Variants in SHANK1 observed in about 807,000 individuals in gnomAD.
SHANK1 encodes SH3 and multiple ankyrin repeat domains protein 1.
Under a neutral mutation model 165.6 loss-of-function variants are expected in SHANK1, and 35 were observed. The observed-to-expected ratio is 0.21, with a 90% CI of 0.16 to 0.28. The LOEUF is 0.28. Among genes scored for constraint, SHANK1 ranks in the 10% least tolerant of loss-of-function variants. SHANK1 has a pLI of 1.00. For missense variants in SHANK1, 2,681 were observed against 3,036.4 expected, an observed-to-expected ratio of 0.88 and a Z score of 2.75; for synonymous variants, 1,428 against 1,384.8, an observed-to-expected ratio of 1.03 and a Z score of -0.69.
Position 50,686,196 on chromosome 19 carries a change from G to A in SHANK1, c.2577+41C>T, listed in dbSNP as rs756788273. ...AAGGCTCCAGGTTGGTGTGTGAACCGCCTCCCCCCTGGCAGTTCCTCCCCA... is the reference window on the plus strand; with the variant it reads ...AAGGCTCCAGGTTGGTGTGTGAACCACCTCCCCCCTGGCAGTTCCTCCCCA... On this transcript the variant is annotated intron_variant, in intron 21 of 23. Coordinates refer to ENST00000293441, the MANE Select transcript of SHANK1 (RefSeq NM_016148.5). This position sits in a 1 kb window ranked among gnomAD's most constrained non-coding sequence, Gnocchi z 5.7. 2.4e-6 allele frequency: 3 copies of A among 1,229,288 alleles called. No individual in the cohort carries two copies. Among genetic ancestry groups the A allele is most frequent in the Non-Finnish European group, 3.5e-6 (3 of 863,202 alleles). 76.1% of individuals were successfully genotyped at this position (1,229,288 alleles called of 1,614,324 possible). A position where few individuals can be genotyped will look rare whatever the true frequency, so the allele number is the denominator to read the frequency against.
At chr19:50,714,636 C>T (rs979302238) in intron 4 of SHANK1, among the ~76,000 whole-genome samples, 4 of 141,490 alleles carry the variant, frequency 2.8e-5, no homozygotes, top group Admixed American at 1.5e-4. Context: ...GTTGAGGCTG[C>T]AGTGAGCCAT....
In SHANK1 at chr19:50,686,192, A is replaced by G. The variant is rs755895019; in HGVS notation, c.2577+45T>C. 10 of 1,194,084 alleles carry G rather than the reference A, an allele frequency of 8.4e-6. No individual in the cohort carries two copies. Among genetic ancestry groups the G allele is most frequent in the Non-Finnish European group, 9.6e-6 (8 of 832,226 alleles). The allele number at this position is 1,194,084 out of a possible 1,614,324, so 74.0% of individuals were successfully genotyped here. A position where few individuals can be genotyped will look rare whatever the true frequency, so the allele number is the denominator to read the frequency against. On this transcript the variant is annotated intron_variant, in intron 21 of 23. Coordinates refer to ENST00000293441, the MANE Select transcript of SHANK1 (RefSeq NM_016148.5). The surrounding 1 kb of genome is among the most constrained non-coding windows in gnomAD (Gnocchi z 5.7). ...GAGAAAGGCTCCAGGTTGGTGTGTG[A>G]ACCGCCTCCCCCCTGGCAGTTCCTC...
chr19:50,710,372 T>G (rs965845468), intron 8 of SHANK1, among the ~76,000 whole-genome samples: 2 of 152,160 alleles, frequency 1.3e-5, no homozygotes, highest in Non-Finnish European at 2.9e-5. Flanking sequence ...GAAGACTTCC[T>G]GGAGGAAGGG....
Position 50,686,483 on chromosome 19 carries a change from C to T in SHANK1, c.2459-128G>A. 1.3e-6 allele frequency: 1 copy of T among 778,520 alleles called. No individual in the cohort carries two copies. 48.2% of individuals were successfully genotyped at this position (778,520 alleles called of 1,614,324 possible). A position where few individuals can be genotyped will look rare whatever the true frequency, so the allele number is the denominator to read the frequency against. On this transcript the variant is annotated intron_variant, in intron 20 of 23. Transcript: ENST00000293441. This position sits in a 1 kb window ranked among gnomAD's most constrained non-coding sequence, Gnocchi z 5.7. ...CTGGATCAACCAGGAAAGGGCAGCC[C>T]TGCCTGGGTCCGGGTGGACGGGCAG...
rs189915551 is a variant in SHANK1 at position 50,672,622 on chromosome 19, C to T, written c.2578-508G>A. Among the ~76,000 whole-genome samples, 20 of 147,680 alleles carry T rather than the reference C, an allele frequency of 1.4e-4. No homozygotes were observed. The South Asian group carries it at 2.2e-3, about 16-fold the overall frequency. ...GGAATTCTGCGGGAATGAAAAGCCT[C>T]AAGTCTGGGCAGGAAGGAGAAAGAA... On this transcript the variant is annotated intron_variant, in intron 21 of 23. Coordinates refer to ENST00000293441, the MANE Select transcript of SHANK1 (RefSeq NM_016148.5).
chr19:50,711,523 C>T, intron 7 of SHANK1, 36 bp from the exon 8 acceptor site: 1 of 1,471,674 alleles, frequency 6.8e-7, no homozygotes, highest in Non-Finnish European at 9.3e-7. Flanking sequence ...ATGGATCAGA[C>T]CCAGGCTGTT....
intron 21 of SHANK1, 77 bp from the exon 22 acceptor site, chr19:50,672,191 C>T: frequency 8.7e-7 from 1 of 1,148,914 alleles, no homozygotes; most frequent in Non-Finnish European, 1.3e-6. Flanking sequence ...CTTGTGGCTT[C>T]ACTATACGGC....
At position 50,669,254 on chromosome 19, in the gene SHANK1, T is replaced by C; in HGVS notation, c.2706A>G (p.Ala902=). 6.2e-7 allele frequency: 1 copy of C among 1,600,994 alleles called. No individual in the cohort carries two copies. The highest frequency in any genetic ancestry group is 1.7e-5 in the Admixed American group (1 of 58,352). Residue 902 remains alanine, a synonymous_variant, in exon 23 of 24, where the codon GCA becomes GCG. Transcript: ENST00000293441. ...GAAEDDRPYL[A]PPAMKFSRSL... ...TGCGGCTGAATTTCATGGCTGGGGG[T>C]GCTAGGTAAGGTCTGTCATCTTCTG... is the stretch of plus-strand genomic sequence containing the variant.
intron 23 of SHANK1, among the ~76,000 whole-genome samples, chr19:50,664,818 A>G (rs925505971): frequency 6.6e-6 from 1 of 152,034 alleles, no homozygotes; most frequent in African/African-American, 2.4e-5. Context: ...ACAGTGGTGC[A>G]ATCTTGGCTC....
intron 8 of SHANK1, among the ~76,000 whole-genome samples, chr19:50,709,814 G>A (rs146175522): frequency 0.013 from 2,039 of 152,262 alleles, 44 homozygotes; most frequent in African/African-American, 0.045. Context: ...GCCTCCCAAA[G>A]TGTTGGGATT....
intron 19 of SHANK1, 33 bp downstream of exon 19, chr19:50,687,549 G>A (rs1426673505): frequency 2.0e-6 from 3 of 1,519,854 alleles, no homozygotes; most frequent in South Asian, 1.2e-5. Context: ...CTCTCCCCCC[G>A]GCCCCCTGGC....
At chr19:50,684,387 G>A (rs1048509180) in intron 21 of SHANK1, among the ~76,000 whole-genome samples, 6 of 152,164 alleles carry the variant, frequency 3.9e-5, no homozygotes, top group Middle Eastern at 3.4e-3. Context: ...CACCACATCC[G>A]GCCAATTTTT....
At position 50,697,084 on chromosome 19, in the gene SHANK1, C is replaced by T. The variant is rs1986765456; in HGVS notation, c.1964+12G>A. On this transcript the variant is annotated intron_variant, in intron 15 of 23. Coordinates refer to ENST00000293441, the MANE Select transcript of SHANK1 (RefSeq NM_016148.5). This position sits in a 1 kb window ranked among gnomAD's most constrained non-coding sequence, Gnocchi z 4.7. ...TCCTGACCCCATCCCCTCCCTGCCC[C>T]TCGCCTCTCACCTCCCTGGGCCAAT... 6.2e-7 allele frequency: 1 copy of T among 1,612,666 alleles called. No individual in the cohort carries two copies. Among genetic ancestry groups the T allele is most frequent in the African/African-American group, 1.3e-5 (1 of 74,826 alleles).
rs575591982 is a variant in SHANK1 at position 50,687,658 on chromosome 19, G to C, written c.2313C>G (p.Pro771=). The C allele has an allele frequency of 6.7e-7, 1 of 1,493,674 alleles. No homozygotes were observed. The highest frequency in any genetic ancestry group is 8.9e-7 in the Non-Finnish European group (1 of 1,122,244). The allele number at this position is 1,493,674 out of a possible 1,614,324, so 92.5% of individuals were successfully genotyped here. A position where few individuals can be genotyped will look rare whatever the true frequency, so the allele number is the denominator to read the frequency against. The change falls in exon 19 of 24, where the codon CCC becomes CCG. Residue 771 remains proline, a synonymous_variant. Transcript: ENST00000293441. ...GGGGCGGCAGCCGCTTGGCCTGCTG[G>C]GGTGCTGAAAAGGTGATGAGGGGAG... is the stretch of plus-strand genomic sequence containing the variant. The part of the protein sequence containing the change: ...DMDEAVHKKA[P]QQAKRLPPPT...
At position 50,660,939 on chromosome 19, in the gene SHANK1, CG is replaced by C. The variant is rs1434175917; in HGVS notation, c.*1025del. On this transcript the variant is annotated 3_prime_UTR_variant, in exon 24 of 24. Coordinates refer to ENST00000293441, the MANE Select transcript of SHANK1 (RefSeq NM_016148.5). ...GGTGCAAAAGGGGCAAGAGGGAAGG[CG>C]GGGGGTGGGGGGCTAGGAGTGTCAT... Among the ~76,000 whole-genome samples the C allele has an allele frequency of 7.0e-5, 1 of 14,298 alleles. No homozygotes were observed. Among genetic ancestry groups the C allele is most frequent in the African/African-American group, 3.6e-4 (1 of 2,786 alleles). 9.4% of individuals were successfully genotyped at this position (14,298 alleles called of 152,430 possible). A position where few individuals can be genotyped will look rare whatever the true frequency, so the allele number is the denominator to read the frequency against.
At chr19:50,663,725 T>C (rs1157557996) in intron 23 of SHANK1, among the ~76,000 whole-genome samples, 3 of 149,898 alleles carry the variant, frequency 2.0e-5, no homozygotes, top group African/African-American at 7.4e-5. Flanking sequence ...ATCCTTCCTG[T>C]TGCTGCTACA....
At chr19:50,674,713 G>C (rs1161552370) in intron 21 of SHANK1, among the ~76,000 whole-genome samples, 1 of 152,002 alleles carries the variant, frequency 6.6e-6, no homozygotes. Flanking sequence ...CTTGACCCCA[G>C]GAATTTGAGA....
rs1235121266 is a variant in SHANK1 at position 50,716,575 on chromosome 19, T to C, written c.255+90A>G. On this transcript the variant is annotated intron_variant, in intron 2 of 23. Transcript: ENST00000293441. This position sits in a 1 kb window ranked among gnomAD's most constrained non-coding sequence, Gnocchi z 8.4. Reference sequence around the variant, plus strand: ...AGCCAGGAGCTGAGTGTGGGGGTGATTCCTGGGAGGATACCCAGCACCAGT... The same window carrying C: ...AGCCAGGAGCTGAGTGTGGGGGTGACTCCTGGGAGGATACCCAGCACCAGT... 3.4e-5 allele frequency: 53 copies of C among 1,561,126 alleles called. No homozygotes were observed. The highest frequency in any genetic ancestry group is 3.8e-5 in the Non-Finnish European group (44 of 1,148,014).
intron 8 of SHANK1, among the ~76,000 whole-genome samples, chr19:50,707,539 T>G (rs1168326537): frequency 1.4e-5 from 2 of 146,086 alleles, no homozygotes; most frequent in African/African-American, 2.5e-5. Flanking sequence ...GCAGTTAGGA[T>G]TCCAACAACC....
Sources: allele counts gnomAD v4.1 joint callset (sites outside exome capture counted in the v4.1 genomes callset), GRCh38; gene constraint gnomAD v4.1.1; non-coding constraint Gnocchi (gnomAD v3.1); transcripts MANE v1.5; gene names NCBI Gene and HGNC (gene_info 2026-07-23, HGNC 2026-07-21).